The following SEMA5A variants were observed in gnomAD, a reference collection of about 807,000 sequenced individuals.
SEMA5A encodes semaphorin 5A, also known as semaphorin-5A.
In SEMA5A, 55 loss-of-function variants were observed where a neutral mutation model predicts 135.5. That is an observed-to-expected ratio of 0.41 (90% CI 0.33 to 0.51). The LOEUF is 0.51. Ranked by LOEUF, SEMA5A falls within the 20% of genes least tolerant of loss-of-function variation. The probability of loss-of-function intolerance (pLI) is 0.37; values close to 1 mark genes in which losing one functional copy is unlikely to be tolerated. For synonymous variants in SEMA5A, 580 were observed against 546.5 expected, an observed-to-expected ratio of 1.06 and a Z score of -0.85; for missense variants, 1,290 against 1,419.9, an observed-to-expected ratio of 0.91 and a Z score of 1.47.
intron 1 of SEMA5A, among the ~76,000 whole-genome samples, chr5:9,508,988 C>G (rs1015576682): frequency 1.3e-5 from 2 of 152,084 alleles, no homozygotes; most frequent in African/African-American, 2.4e-5. Flanking sequence ...GTGAAAATGG[C>G]AGGCATGATA....
intron 4 of SEMA5A, among the ~76,000 whole-genome samples, chr5:9,332,964 C>A (rs1753224051): frequency 6.6e-6 from 1 of 152,166 alleles, no homozygotes; most frequent in Non-Finnish European, 1.5e-5. Flanking sequence ...TGTTTGAGAG[C>A]TTACAGACGA....
intron 11 of SEMA5A, among the ~76,000 whole-genome samples, chr5:9,168,666 A>G (rs1333422771): frequency 6.6e-6 from 1 of 152,232 alleles, no homozygotes; most frequent in African/African-American, 2.4e-5. Flanking sequence ...GGCTGGATGT[A>G]CACTGCTTCC....
In SEMA5A at chr5:9,384,554, A is replaced by G. The variant is rs1193330391; in HGVS notation, c.-77-4531T>C. Reference sequence around the variant, plus strand: ...TAGATAGATAGATAGATAGATAGATAGATAGATAGATAGATACATAGATAG... The same window carrying G: ...TAGATAGATAGATAGATAGATAGATGGATAGATAGATAGATACATAGATAG... On this transcript the variant is annotated intron_variant, in intron 2 of 22. Coordinates refer to ENST00000382496, the MANE Select transcript of SEMA5A (RefSeq NM_003966.3). 3.2e-5 allele frequency among the ~76,000 whole-genome samples: 4 copies of G among 124,658 alleles called. 1 individual carries two copies. Among genetic ancestry groups the G allele is most frequent in the African/African-American group, 1.2e-4 (4 of 33,368 alleles). 81.8% of individuals were successfully genotyped at this position (124,658 alleles called of 152,430 possible). A position where few individuals can be genotyped will look rare whatever the true frequency, so the allele number is the denominator to read the frequency against.
At chr5:9,500,787 A>G (rs1282473383) in intron 1 of SEMA5A, among the ~76,000 whole-genome samples, 6 of 152,198 alleles carry the variant, frequency 3.9e-5, no homozygotes, top group African/African-American at 1.4e-4. Context: ...TGCGGTCCAC[A>G]TTATATGTGT....
intron 5 of SEMA5A, among the ~76,000 whole-genome samples, chr5:9,291,188 A>T (rs967603703): frequency 2.0e-5 from 3 of 152,174 alleles, no homozygotes; most frequent in African/African-American, 7.2e-5. Flanking sequence ...TGGCCACTGG[A>T]GTCAGAATCA....
intron 1 of SEMA5A, among the ~76,000 whole-genome samples, chr5:9,478,613 G>A (rs1272278865): frequency 6.6e-6 from 1 of 152,134 alleles, no homozygotes; most frequent in East Asian, 1.9e-4. Flanking sequence ...CTCAGTTTTG[G>A]ACTTGCATGG....
At chr5:9,138,522 C>T (rs1741887662) in intron 12 of SEMA5A, among the ~76,000 whole-genome samples, 1 of 152,214 alleles carries the variant, frequency 6.6e-6, no homozygotes, top group African/African-American at 2.4e-5. Context: ...ACCTTACTCC[C>T]TTTAACAGCT....
intron 11 of SEMA5A, among the ~76,000 whole-genome samples, chr5:9,189,997 T>C (rs920561595): frequency 1.3e-5 from 2 of 152,216 alleles, no homozygotes; most frequent in African/African-American, 4.8e-5. Flanking sequence ...AAGAAAAGAC[T>C]TATTTTATGA....
intron 1 of SEMA5A, among the ~76,000 whole-genome samples, chr5:9,446,840 T>G (rs903429922): frequency 3.3e-5 from 5 of 152,334 alleles, no homozygotes; most frequent in Admixed American, 3.3e-4. Flanking sequence ...TAACTATCTC[T>G]GTTAAAACAT....
intron 8 of SEMA5A, among the ~76,000 whole-genome samples, chr5:9,214,892 T>G (rs1746529807): frequency 6.6e-6 from 1 of 151,906 alleles, no homozygotes; most frequent in African/African-American, 2.4e-5. Flanking sequence ...TGCTCAAGAG[T>G]TTTAGCATTG....
intron 1 of SEMA5A, among the ~76,000 whole-genome samples, chr5:9,475,274 G>C (rs1223307243): frequency 6.6e-6 from 1 of 152,122 alleles, no homozygotes; most frequent in Admixed American, 6.5e-5. Context: ...AGGCCTTTGT[G>C]GTCCACCGTG....
intron 4 of SEMA5A, among the ~76,000 whole-genome samples, chr5:9,319,389 A>G (rs1193920379): frequency 1.3e-5 from 2 of 152,160 alleles, no homozygotes; most frequent in Non-Finnish European, 2.9e-5. Flanking sequence ...AAAGTAAAAT[A>G]TCAATTTCAA....
chr5:9,351,283 C>A (rs962820154), intron 3 of SEMA5A, among the ~76,000 whole-genome samples: 1 of 152,150 alleles, frequency 6.6e-6, no homozygotes, highest in African/African-American at 2.4e-5. Flanking sequence ...TGATCCAGTT[C>A]CCTCCAATAG....
At chr5:9,453,372 T>G (rs1027525479) in intron 1 of SEMA5A, among the ~76,000 whole-genome samples, 2 of 152,168 alleles carry the variant, frequency 1.3e-5, no homozygotes, top group Non-Finnish European at 2.9e-5. Flanking sequence ...TGAAAATAAG[T>G]GCCACATCCT....
chr5:9,408,739 A>C (rs891460629), intron 2 of SEMA5A, among the ~76,000 whole-genome samples: 1 of 152,220 alleles, frequency 6.6e-6, no homozygotes, highest in African/African-American at 2.4e-5. Context: ...CAGAACTAAA[A>C]TTTGAATCCA....
At chr5:9,168,268 G>C (rs1310740681) in intron 11 of SEMA5A, among the ~76,000 whole-genome samples, 1 of 152,172 alleles carries the variant, frequency 6.6e-6, no homozygotes, top group African/African-American at 2.4e-5. Context: ...TGATTTGGGA[G>C]GTCTGCAGTG....
chr5:9,533,839 G>C (rs1011881540), intron 1 of SEMA5A, among the ~76,000 whole-genome samples: 1 of 152,082 alleles, frequency 6.6e-6, no homozygotes, highest in African/African-American at 2.4e-5. Context: ...ACAAAAGATC[G>C]AGTGAGCTGG....
chr5:9,177,817 T>C (rs1288300987), intron 11 of SEMA5A, among the ~76,000 whole-genome samples: 2 of 152,212 alleles, frequency 1.3e-5, no homozygotes, highest in East Asian at 3.9e-4. Context: ...AGCATGAGGA[T>C]ACTGGAAATG....
chr5:9,449,915 T>A (rs929346082), intron 1 of SEMA5A, among the ~76,000 whole-genome samples: 2 of 152,102 alleles, frequency 1.3e-5, no homozygotes. Context: ...ACAATAAAAT[T>A]CTCTTTTCAA....
Sources: gnomAD v4.1 joint callset for allele counts (sites outside exome capture counted in the v4.1 genomes callset) on GRCh38, gnomAD v4.1.1 for gene constraint, MANE v1.5 for transcripts, NCBI Gene and HGNC (gene_info 2026-07-23, HGNC 2026-07-21) for gene names.